Variants in ZFAND3 observed in about 807,000 individuals in gnomAD.
ZFAND3 encodes the protein AN1-type zinc finger protein 3.
In ZFAND3, 10 loss-of-function variants were observed where a neutral mutation model predicts 29.6. The observed-to-expected ratio is 0.34, with a 90% CI of 0.21 to 0.57. The LOEUF (loss-of-function observed/expected upper bound fraction) is 0.57. ZFAND3 is among the 20% of genes least tolerant of loss of function. The pLI is 0.86. For missense variants in ZFAND3, 230 were observed against 304.5 expected (o/e 0.76, Z 1.82); for synonymous variants, 128 against 112.6 (o/e 1.14, Z -0.87).
At chr6:37,974,402 CTTTT>C (rs10573359) in intron 2 of ZFAND3, among the ~76,000 whole-genome samples, 1 of 30,802 alleles carries the variant, frequency 3.2e-5, no homozygotes. Flanking sequence ...CTCTCTCTCT[CTTTT>C]TTTTTTTTTT....
intron 1 of ZFAND3, among the ~76,000 whole-genome samples, chr6:37,896,509 C>CTTTCTTTTCT (rs1291316763): frequency 1.8e-5 from 2 of 111,132 alleles, no homozygotes; most frequent in African/African-American, 6.9e-5. Flanking sequence ...TTTTTTTCCT[C>CTTTCTTTTCT]TTTCTTTTCT....
Position 38,152,477 on chromosome 6 carries a change from G to A in ZFAND3, c.*88G>A. The A allele has an allele frequency of 1.4e-6, 2 of 1,433,664 alleles. No homozygotes were observed. Among genetic ancestry groups the A allele is most frequent in the South Asian group, 3.2e-5 (2 of 62,494 alleles). The allele number at this position is 1,433,664 out of a possible 1,614,324, so 88.8% of individuals were successfully genotyped here. A position where few individuals can be genotyped will look rare whatever the true frequency, so the allele number is the denominator to read the frequency against. ...CAAAGTCAGCCAGACACCTTGTACT[G>A]GGCACGCGTCAGACTGCAGCCAGTC... On this transcript the variant is annotated 3_prime_UTR_variant, in exon 6 of 6. Coordinates refer to ENST00000287218, the MANE Select transcript of ZFAND3 (RefSeq NM_021943.3).
chr6:38,143,948 C>T (rs1225159278), intron 5 of ZFAND3, among the ~76,000 whole-genome samples: 2 of 151,940 alleles, frequency 1.3e-5, no homozygotes, highest in Non-Finnish European at 2.9e-5. Flanking sequence ...CATTTAGATC[C>T]TTTAATATAA....
chr6:37,836,209 C>T (rs1035493213), intron 1 of ZFAND3, among the ~76,000 whole-genome samples: 1 of 152,150 alleles, frequency 6.6e-6, no homozygotes, highest in African/African-American at 2.4e-5. Context: ...AAACACATTA[C>T]TCATGCTTTC....
At chr6:37,985,527 A>ACC (rs57029796) in intron 2 of ZFAND3, among the ~76,000 whole-genome samples, 3,058 of 141,734 alleles carry the variant, frequency 0.022, 87 homozygotes, top group African/African-American at 0.072. Flanking sequence ...ACACACACAC[A>ACC]CCCCCACACA....
At chr6:37,973,636 A>G (rs1762428361) in intron 2 of ZFAND3, among the ~76,000 whole-genome samples, 2 of 152,226 alleles carry the variant, frequency 1.3e-5, no homozygotes, top group Non-Finnish European at 2.9e-5. Context: ...TCTGTATTAG[A>G]TAGCACAGCT....
intron 2 of ZFAND3, among the ~76,000 whole-genome samples, chr6:37,953,544 C>G (rs893987753): frequency 6.6e-6 from 1 of 150,420 alleles, no homozygotes; most frequent in African/African-American, 2.4e-5. Context: ...CCTTGACCTC[C>G]TAGGCTGAAG....
At chr6:37,941,814 A>T (rs1761815144) in intron 2 of ZFAND3, among the ~76,000 whole-genome samples, 1 of 152,188 alleles carries the variant, frequency 6.6e-6, no homozygotes, top group Non-Finnish European at 1.5e-5. Context: ...GCATAATAAT[A>T]GTATGGAAAA....
chr6:37,827,755 A>G (rs1454990216), intron 1 of ZFAND3, among the ~76,000 whole-genome samples: 1 of 152,232 alleles, frequency 6.6e-6, no homozygotes, highest in Non-Finnish European at 1.5e-5. Flanking sequence ...TGTACTAGCT[A>G]ACTACATCTG....
chr6:38,144,178 A>T (rs1264824510), intron 5 of ZFAND3, among the ~76,000 whole-genome samples: 1 of 16,026 alleles, frequency 6.2e-5, no homozygotes, highest in Non-Finnish European at 1.2e-4. Flanking sequence ...TGTGATATAT[A>T]TATATAATAT....
At chr6:37,930,151 C>T in intron 2 of ZFAND3, 152 bp downstream of exon 2, 2 of 715,668 alleles carry the variant, frequency 2.8e-6, no homozygotes, top group Non-Finnish European at 4.3e-6. Flanking sequence ...TTCACCTTAC[C>T]AAGGTGCTTC....
chr6:37,944,248 A>G (rs547501849), intron 2 of ZFAND3, among the ~76,000 whole-genome samples: 9 of 152,234 alleles, frequency 5.9e-5, no homozygotes, highest in Non-Finnish European at 1.3e-4. Context: ...AATTACAAGA[A>G]GAACTAAAAC....
chr6:38,045,059 T>C (rs541875405), intron 2 of ZFAND3, among the ~76,000 whole-genome samples: 1 of 100,400 alleles, frequency 1.0e-5, no homozygotes, highest in Admixed American at 9.7e-5. Flanking sequence ...AATTCTTTTA[T>C]TTATTTATTT....
intron 1 of ZFAND3, among the ~76,000 whole-genome samples, chr6:37,924,735 G>T (rs778371861): frequency 6.6e-6 from 1 of 151,668 alleles, no homozygotes. Context: ...GTGGGAGGAT[G>T]GCTTGAGCCT....
intron 5 of ZFAND3, among the ~76,000 whole-genome samples, chr6:38,141,353 A>G (rs1352413439): frequency 6.6e-6 from 1 of 152,210 alleles, no homozygotes; most frequent in Non-Finnish European, 1.5e-5. Flanking sequence ...CAAACTTGGC[A>G]ACACATGCTC....
chr6:37,930,207 C>G lies in ZFAND3; in HGVS notation c.112+208C>G, dbSNP rs151285625. On this transcript the variant is annotated intron_variant, in intron 2 of 5. Transcript: ENST00000287218. Reference sequence around the variant, plus strand: ...TGAAACAGTTTTCCTTGAATGAAATCCTATCTCCTATGTACTTGCACCAAA... The same window carrying G: ...TGAAACAGTTTTCCTTGAATGAAATGCTATCTCCTATGTACTTGCACCAAA... 5.0e-3 allele frequency among the ~76,000 whole-genome samples: 759 copies of G among 152,206 alleles called. 9 individuals carry two copies. Among genetic ancestry groups the G allele is most frequent in the African/African-American group, 0.017 (701 of 41,530 alleles).
chr6:38,096,921 A>C (rs1024594889), intron 4 of ZFAND3, among the ~76,000 whole-genome samples: 1 of 152,010 alleles, frequency 6.6e-6, no homozygotes, highest in Non-Finnish European at 1.5e-5. Flanking sequence ...TAGATTTGTC[A>C]TTGTGCTCTT....
chr6:38,091,159 G>A (rs1216495020), intron 4 of ZFAND3, among the ~76,000 whole-genome samples: 1 of 152,206 alleles, frequency 6.6e-6, no homozygotes, highest in Non-Finnish European at 1.5e-5. Flanking sequence ...AAAACGAAGG[G>A]AAGCGTCATG....
chr6:38,116,267 A>G (rs1043980671), intron 4 of ZFAND3, among the ~76,000 whole-genome samples: 1 of 152,222 alleles, frequency 6.6e-6, no homozygotes, highest in African/African-American at 2.4e-5. Context: ...CCCCATTTCT[A>G]GCTGGAATGG....
Sources: gnomAD v4.1 joint callset for allele counts (sites outside exome capture counted in the v4.1 genomes callset) on GRCh38, gnomAD v4.1.1 for gene constraint, MANE v1.5 for transcripts, NCBI Gene and HGNC (gene_info 2026-07-23, HGNC 2026-07-21) for gene names.